Variants in ADAMTS17 observed in about 807,000 individuals in gnomAD.
ADAMTS17 encodes A disintegrin and metalloproteinase with thrombospondin motifs 17.
ADAMTS17 carries 113 observed loss-of-function variants against 141.5 expected under a neutral mutation model. The ratio of observed to expected loss-of-function variants is 0.80; its 90% CI spans 0.69 to 0.93. The LOEUF (loss-of-function observed/expected upper bound fraction) is 0.93. Ranked by LOEUF, ADAMTS17 falls within the 40% of genes least tolerant of loss-of-function variation. The probability of loss-of-function intolerance (pLI) is 0.00; values close to 1 mark genes in which losing one functional copy is unlikely to be tolerated. For synonymous variants in ADAMTS17, 768 were observed against 630.6 expected, an observed-to-expected ratio of 1.22 and a Z score of -3.27; for missense variants, 1,659 against 1,517.9, an observed-to-expected ratio of 1.09 and a Z score of -1.54.
chr15:100,286,227 C>T (rs1005791100), intron 3 of ADAMTS17, among the ~76,000 whole-genome samples: 9 of 152,184 alleles, frequency 5.9e-5, no homozygotes, highest in Admixed American at 3.9e-4. Flanking sequence ...CCCCGCAAAA[C>T]GTGAATGTGC....
intron 4 of ADAMTS17, among the ~76,000 whole-genome samples, chr15:100,271,957 A>G (rs1041950479): frequency 3.3e-5 from 5 of 152,218 alleles, no homozygotes; most frequent in African/African-American, 1.2e-4. Flanking sequence ...TCCCAGCACC[A>G]GTTCTTGAAA....
Position 100,116,143 on chromosome 15 carries a change from A to C in ADAMTS17, c.1888+704T>G, listed in dbSNP as rs546881859. ...AGAACAGTTTTAGGTAAAAAAAAAA[A>C]AAAAAAAAAAAAAAACCCAACAACC... On this transcript the variant is annotated intron_variant, in intron 13 of 21. Transcript: ENST00000268070. Among the ~76,000 whole-genome samples, 19 of 149,968 alleles carry C rather than the reference A, an allele frequency of 1.3e-4. No homozygotes were observed. In the South Asian group the frequency reaches 3.4e-3, roughly 26 times the overall value.
At chr15:100,080,601 G>C (rs1213999855) in intron 15 of ADAMTS17, among the ~76,000 whole-genome samples, 1 of 152,078 alleles carries the variant, frequency 6.6e-6, no homozygotes, top group African/African-American at 2.4e-5. Context: ...AGGGAATACA[G>C]AACGGGTAGT....
chr15:100,086,433 TCAA>T (rs2035105652), intron 15 of ADAMTS17, among the ~76,000 whole-genome samples: 2 of 151,842 alleles, frequency 1.3e-5, no homozygotes, highest in African/African-American at 4.9e-5. Flanking sequence ...ATTAGACAGA[TCAA>T]CGAGACAGAC....
intron 8 of ADAMTS17, among the ~76,000 whole-genome samples, chr15:100,178,214 GTTTTGTTTC>G (rs1029257970): frequency 1.3e-5 from 2 of 151,952 alleles, no homozygotes; most frequent in Non-Finnish European, 2.9e-5. Context: ...TTTATTATTT[GTTTTGTTTC>G]TTTTGTTTCT....
intron 14 of ADAMTS17, among the ~76,000 whole-genome samples, chr15:100,099,317 A>C (rs2035954705): frequency 6.6e-6 from 1 of 152,188 alleles, no homozygotes; most frequent in Non-Finnish European, 1.5e-5. Flanking sequence ...ACAGCCACAA[A>C]ATCTGCGAAC....
chr15:100,007,727 A>C (rs2061064803), intron 18 of ADAMTS17, among the ~76,000 whole-genome samples: 1 of 152,010 alleles, frequency 6.6e-6, no homozygotes, highest in African/African-American at 2.4e-5. Flanking sequence ...GCTGCTTTAG[A>C]GGCCGGGTTG....
chr15:100,049,033 A>G, intron 17 of ADAMTS17, 41 bp from the exon 18 acceptor site: 1 of 1,613,976 alleles, frequency 6.2e-7, no homozygotes, highest in Middle Eastern at 1.7e-4. Context: ...CTGTGGCTGC[A>G]CCCACGTGGA....
intron 8 of ADAMTS17, among the ~76,000 whole-genome samples, chr15:100,161,002 G>A (rs371073466): frequency 3.0e-4 from 46 of 152,310 alleles, no homozygotes; most frequent in African/African-American, 8.2e-4. Flanking sequence ...TATATTTAAC[G>A]AAAACGTGTG....
In ADAMTS17 at chr15:100,051,620, T is replaced by A; in HGVS notation, c.2407A>T (p.Ile803Phe). 1 of 1,614,180 alleles carries A rather than the reference T, an allele frequency of 6.2e-7. No individual in the cohort carries two copies. Among genetic ancestry groups the A allele is most frequent in the East Asian group, 2.2e-5 (1 of 44,882 alleles). ...EPEKPQDSLF[I>F]WTHSGWEGCS... Reference sequence around the variant, plus strand: ...CCTTCCCAGCCGCTGTGGGTCCAGATGAACAAAGAGTCCTGCGGTTTTTCT... The same window carrying A: ...CCTTCCCAGCCGCTGTGGGTCCAGAAGAACAAAGAGTCCTGCGGTTTTTCT... The change falls in exon 17 of 22, where the codon ATC becomes TTC. Residue 803 changes from isoleucine to phenylalanine, a missense_variant. Ile to Phe is a conservative substitution (Grantham distance 21, BLOSUM62 0). Coordinates refer to ENST00000268070, the MANE Select transcript of ADAMTS17 (RefSeq NM_139057.4).
intron 18 of ADAMTS17, among the ~76,000 whole-genome samples, chr15:100,046,005 T>G (rs1196867422): frequency 6.6e-6 from 1 of 152,132 alleles, no homozygotes; most frequent in Admixed American, 6.6e-5. Flanking sequence ...CTCAGCCTCC[T>G]GAGTAGCTGA....
At chr15:99,976,392 G>A (rs774225013) in intron 20 of ADAMTS17, 170 bp from the exon 21 acceptor site, 3 of 869,620 alleles carry the variant, frequency 3.4e-6, no homozygotes, top group Middle Eastern at 3.3e-4. Flanking sequence ...AGGACAGCCT[G>A]AGTGGGGCCT....
intron 7 of ADAMTS17, among the ~76,000 whole-genome samples, chr15:100,252,830 C>T (rs2043195184): frequency 6.6e-6 from 1 of 152,178 alleles, no homozygotes; most frequent in South Asian, 2.1e-4. Context: ...TATTAAAAAT[C>T]ATTTTGTAAA....
chr15:100,083,999 G>C (rs1319308954), intron 15 of ADAMTS17, among the ~76,000 whole-genome samples: 2 of 151,976 alleles, frequency 1.3e-5, no homozygotes, highest in African/African-American at 4.8e-5. Flanking sequence ...GTGGGTGCAG[G>C]ACAGTGGGTG....
At chr15:100,206,939 T>C (rs1596277099) in intron 7 of ADAMTS17, among the ~76,000 whole-genome samples, 3 of 152,312 alleles carry the variant, frequency 2.0e-5, no homozygotes, top group East Asian at 1.9e-4. Flanking sequence ...GCTGCTCAAC[T>C]GTGATGACAG....
At position 100,077,057 on chromosome 15, in the gene ADAMTS17, A is replaced by C. The variant is rs75015525; in HGVS notation, c.2137+19299T>G. Among the ~76,000 whole-genome samples, 482 of 152,100 alleles carry C rather than the reference A, an allele frequency of 3.2e-3. 2 individuals are homozygous for C. The highest frequency in any genetic ancestry group is 6.8e-3 in the Middle Eastern group (2 of 292). The stretch of plus-strand genomic sequence containing the variant: ...AATATGCACAGAAAACCCCTCCACA[A>C]AATACTAGCAAGCCCAATCCAGCCA... On this transcript the variant is annotated intron_variant, in intron 15 of 21. Transcript: ENST00000268070.
At chr15:100,177,066 G>T (rs1159290252) in intron 8 of ADAMTS17, among the ~76,000 whole-genome samples, 1 of 152,118 alleles carries the variant, frequency 6.6e-6, no homozygotes. Context: ...GAATAGAGTT[G>T]TTATGAATAT....
rs559897150 is a variant in ADAMTS17 at position 99,993,550 on chromosome 15, A to G, written c.2797-350T>C. Among the ~76,000 whole-genome samples, 2 of 152,242 alleles carry G rather than the reference A, an allele frequency of 1.3e-5. No individual in the cohort carries two copies. Among genetic ancestry groups the G allele is most frequent in the East Asian group, 3.9e-4 (2 of 5,184 alleles). ...AGGGCAGGTGTGTGATGGAGCCATG[A>G]GTGGGGCAGGGAACAGGGGCCAGCC... is the stretch of plus-strand genomic sequence containing the variant. On this transcript the variant is annotated intron_variant, in intron 19 of 21. Coordinates refer to ENST00000268070, the MANE Select transcript of ADAMTS17 (RefSeq NM_139057.4). This position sits in a 1 kb window ranked among gnomAD's most constrained non-coding sequence, Gnocchi z 4.3.
intron 20 of ADAMTS17, among the ~76,000 whole-genome samples, chr15:99,987,997 C>A (rs766226441): frequency 3.5e-4 from 53 of 152,072 alleles, no homozygotes; most frequent in South Asian, 1.9e-3. Flanking sequence ...AATGTCCCTG[C>A]AGGCCCTCTC....
Sources: gnomAD v4.1 joint callset for allele counts (sites outside exome capture counted in the v4.1 genomes callset) on GRCh38, gnomAD v4.1.1 for gene constraint, Gnocchi (gnomAD v3.1) non-coding constraint, MANE v1.5 for transcripts, NCBI Gene and HGNC (gene_info 2026-07-23, HGNC 2026-07-21) for gene names.